The following ARF4 variants were observed in gnomAD, a reference collection of about 807,000 sequenced individuals.
ARF4 encodes the protein ARF GTPase 4, also known as ADP-ribosylation factor 4.
In ARF4, 5 loss-of-function variants were observed where a neutral mutation model predicts 24.3. The ratio of observed to expected loss-of-function variants is 0.21; its 90% CI spans 0.11 to 0.43. The LOEUF (loss-of-function observed/expected upper bound fraction) is 0.43, where lower values mean the gene tolerates loss of function less well. Among genes scored for constraint, ARF4 ranks in the 20% least tolerant of loss-of-function variants. The pLI is 1.00. For missense variants in ARF4, 107 were observed against 213.0 expected, an observed-to-expected ratio of 0.50 and a Z score of 3.10; for synonymous variants, 62 against 73.5, an observed-to-expected ratio of 0.84 and a Z score of 0.80.
chr3:57,588,561 A>G (rs1234641244), intron 1 of ARF4, among the ~76,000 whole-genome samples: 1 of 150,004 alleles, frequency 6.7e-6, no homozygotes, highest in Non-Finnish European at 1.5e-5. Flanking sequence ...TACAAAAATT[A>G]GCCAGGTGTG....
chr3:57,581,629 C>G (rs974257400), intron 3 of ARF4, among the ~76,000 whole-genome samples: 1 of 152,066 alleles, frequency 6.6e-6, no homozygotes, highest in African/African-American at 2.4e-5. Context: ...GGTGAAACCC[C>G]GTCTCTACTA....
chr3:57,597,291 T>G lies in ARF4; in HGVS notation c.-151A>C, dbSNP rs150642148. ...GGCAGAAACGTCTCAGTGGCCCCTG[T>G]GCCGATGAAGATCCGGCACAGGAAT... On this transcript the variant is annotated 5_prime_UTR_variant, in exon 1 of 6. Coordinates refer to ENST00000303436, the MANE Select transcript of ARF4 (RefSeq NM_001660.4). 668 of 695,972 alleles carry G rather than the reference T, an allele frequency of 9.6e-4. 3 individuals are homozygous for G. The highest frequency in any genetic ancestry group is 6.7e-3 in the Middle Eastern group (18 of 2,674). 43.1% of individuals were successfully genotyped at this position (695,972 alleles called of 1,614,324 possible). A position where few individuals can be genotyped will look rare whatever the true frequency, so the allele number is the denominator to read the frequency against.
chr3:57,576,136 A>G (rs2069899810), intron 4 of ARF4, among the ~76,000 whole-genome samples: 1 of 152,228 alleles, frequency 6.6e-6, no homozygotes, highest in African/African-American at 2.4e-5. Context: ...ATCATGAAAT[A>G]TACAAAAAAA....
Position 57,584,296 on chromosome 3 carries a change from C to G in ARF4, c.148+88G>C, listed in dbSNP as rs2070010452. 7 of 1,206,036 alleles carry G rather than the reference C, an allele frequency of 5.8e-6. No individual in the cohort carries two copies. The South Asian group carries it at 8.0e-5, about 14-fold the overall frequency. The allele number at this position is 1,206,036 out of a possible 1,614,324, so 74.7% of individuals were successfully genotyped here. A position where few individuals can be genotyped will look rare whatever the true frequency, so the allele number is the denominator to read the frequency against. On this transcript the variant is annotated intron_variant, in intron 2 of 5. Coordinates refer to ENST00000303436, the MANE Select transcript of ARF4 (RefSeq NM_001660.4). ...AAGTACTTCTAAGATAATCAACATGCTTAACAAAAAGACAATCTCAAAACT... is the reference window on the plus strand; with the variant it reads ...AAGTACTTCTAAGATAATCAACATGGTTAACAAAAAGACAATCTCAAAACT...
chr3:57,585,083 C>CA (rs2070020885), intron 1 of ARF4, among the ~76,000 whole-genome samples: 1 of 152,018 alleles, frequency 6.6e-6, no homozygotes, highest in Admixed American at 6.6e-5. Context: ...AGGCTGGTCT[C>CA]AAACTCCTGG....
chr3:57,575,693 C>T lies in ARF4; in HGVS notation c.331-20G>A. 2.5e-6 allele frequency: 4 copies of T among 1,596,088 alleles called. No individual in the cohort carries two copies. The highest frequency in any genetic ancestry group is 3.4e-6 in the Non-Finnish European group (4 of 1,172,784). ...CAGAAGCTGGAAATAAAAGGTAAGGCATTAACAACTACCAACCGGAATCCA... is the reference window on the plus strand; with the variant it reads ...CAGAAGCTGGAAATAAAAGGTAAGGTATTAACAACTACCAACCGGAATCCA... On this transcript the variant is annotated intron_variant, in intron 4 of 5. Coordinates refer to ENST00000303436, the MANE Select transcript of ARF4 (RefSeq NM_001660.4).
At chr3:57,594,376 C>T (rs568491067) in intron 1 of ARF4, among the ~76,000 whole-genome samples, 3 of 152,192 alleles carry the variant, frequency 2.0e-5, no homozygotes, top group African/African-American at 7.2e-5. Flanking sequence ...GCGTGAGCCA[C>T]CACACCTGGC....
intron 5 of ARF4, among the ~76,000 whole-genome samples, chr3:57,573,100 G>A (rs1321129989): frequency 6.6e-6 from 1 of 151,506 alleles, no homozygotes; most frequent in African/African-American, 2.4e-5. Flanking sequence ...TACTCAGGAG[G>A]CTGAGGCAGG....
chr3:57,597,338 G>A lies in ARF4; in HGVS notation c.-198C>T. 2 of 515,016 alleles carry A rather than the reference G, an allele frequency of 3.9e-6. No homozygotes were observed. Among genetic ancestry groups the A allele is most frequent in the South Asian group, 4.5e-5 (2 of 44,322 alleles). The allele number at this position is 515,016 out of a possible 1,614,324, so 31.9% of individuals were successfully genotyped here. A position where few individuals can be genotyped will look rare whatever the true frequency, so the allele number is the denominator to read the frequency against. On this transcript the variant is annotated 5_prime_UTR_variant, in exon 1 of 6. Transcript: ENST00000303436. ...GAATAAGCCGGTAGAGGACCTGCTAGGCGACTGGCGCGGCAGCTCCGGCTC... is the reference window on the plus strand; with the variant it reads ...GAATAAGCCGGTAGAGGACCTGCTAAGCGACTGGCGCGGCAGCTCCGGCTC...
At chr3:57,586,321 A>T (rs996462302) in intron 1 of ARF4, among the ~76,000 whole-genome samples, 2 of 152,248 alleles carry the variant, frequency 1.3e-5, no homozygotes, top group African/African-American at 4.8e-5. Flanking sequence ...GACTTAGCAC[A>T]TAAAAGCAAT....
At chr3:57,587,519 G>C (rs906868987) in intron 1 of ARF4, among the ~76,000 whole-genome samples, 26 of 151,386 alleles carry the variant, frequency 1.7e-4, no homozygotes, top group African/African-American at 5.8e-4. Context: ...TCTACTGATA[G>C]GAATTTTTTT....
intron 1 of ARF4, among the ~76,000 whole-genome samples, chr3:57,595,100 C>A (rs1257899061): frequency 6.6e-6 from 1 of 152,130 alleles, no homozygotes; most frequent in African/African-American, 2.4e-5. Context: ...AATATTTTTT[C>A]TCTCCCATTT....
At chr3:57,584,303 A>T (rs992419211) in intron 2 of ARF4, 81 bp downstream of exon 2, 7 of 1,263,412 alleles carry the variant, frequency 5.5e-6, no homozygotes, top group Non-Finnish European at 8.0e-6. Context: ...ATGCTTAACA[A>T]AAAGACAATC....
rs71088093 is a variant in ARF4 at position 57,574,408 on chromosome 3, AT to A, written c.456+1139del. On this transcript the variant is annotated intron_variant, in intron 5 of 5. Transcript: ENST00000303436. ...GATAAGCAATTTTAGAGAAGTACAA[AT>A]TTTTTTTTTTTTTTTTAAAGAAACA... Among the ~76,000 whole-genome samples the A allele has an allele frequency of 1.3e-3, 185 of 145,272 alleles. 2 individuals carry two copies. Among genetic ancestry groups the A allele is most frequent in the African/African-American group, 3.0e-3 (116 of 39,318 alleles).
At chr3:57,577,491 A>C (rs2069920565) in intron 3 of ARF4, 104 bp from the exon 4 acceptor site, 1 of 852,598 alleles carries the variant, frequency 1.2e-6, no homozygotes, top group Non-Finnish European at 1.9e-6. Context: ...TTAGGAAGAA[A>C]ATGTCTCTTT....
chr3:57,590,435 G>A (rs972308322), intron 1 of ARF4, among the ~76,000 whole-genome samples: 53 of 152,096 alleles, frequency 3.5e-4, no homozygotes, highest in African/African-American at 1.2e-3. Context: ...GTAGTGAGCC[G>A]AGATTGCGCC....
intron 3 of ARF4, among the ~76,000 whole-genome samples, chr3:57,579,235 CAA>C (rs145351565): frequency 0.22 from 20,545 of 95,000 alleles, 2,139 homozygotes; most frequent in East Asian, 0.54. Flanking sequence ...GCCTGGGCGA[CAA>C]GAGCAAACTA....
chr3:57,582,310 TCGGCTCATCACAAC>T, intron 3 of ARF4, among the ~76,000 whole-genome samples: 1 of 151,608 alleles, frequency 6.6e-6, no homozygotes, highest in African/African-American at 2.4e-5. Context: ...TGGTGTGATC[TCGGCTCATCACAAC>T]CTCCACCTCC....
chr3:57,593,591 C>A (rs963973871), intron 1 of ARF4, among the ~76,000 whole-genome samples: 1 of 152,162 alleles, frequency 6.6e-6, no homozygotes, highest in Non-Finnish European at 1.5e-5. Context: ...AGCTTTTCAA[C>A]AGGCAAGAAC....
Sources: allele counts gnomAD v4.1 joint callset (sites outside exome capture counted in the v4.1 genomes callset), GRCh38; gene constraint gnomAD v4.1.1; transcripts MANE v1.5; gene names NCBI Gene and HGNC (gene_info 2026-07-23, HGNC 2026-07-21).